CNTD1: variants seen among roughly 807,000 people sequenced by gnomAD.
CNTD1 encodes the protein cyclin N-terminal domain containing 1.
CNTD1 carries 17 observed loss-of-function variants against 36.3 expected under a neutral mutation model. The observed-to-expected ratio is 0.47, with a 90% CI of 0.32 to 0.70. The LOEUF is 0.70. Ranked by LOEUF, CNTD1 falls within the 30% of genes least tolerant of loss-of-function variation. The pLI, the probability that CNTD1 is intolerant of heterozygous loss-of-function variation, is 0.03. For synonymous variants in CNTD1, 128 were observed against 153.3 expected, an observed-to-expected ratio of 0.83 and a Z score of 1.22; for missense variants, 338 against 386.1, an observed-to-expected ratio of 0.88 and a Z score of 1.04.
chr17:42,807,320 CAGG>C (rs1269907974), intron 5 of CNTD1, among the ~76,000 whole-genome samples: 2 of 151,926 alleles, frequency 1.3e-5, no homozygotes, highest in Admixed American at 6.6e-5. Flanking sequence ...GAGGCTGAGG[CAGG>C]AGAATGGCGT....
At chr17:42,802,520 C>T (rs2054812259) in intron 1 of CNTD1, among the ~76,000 whole-genome samples, 1 of 152,164 alleles carries the variant, frequency 6.6e-6, no homozygotes, top group Non-Finnish European at 1.5e-5. Context: ...AATAAAATGA[C>T]TAATAAGAGA....
At chr17:42,804,745 T>C (rs901879955) in intron 3 of CNTD1, among the ~76,000 whole-genome samples, 1 of 151,724 alleles carries the variant, frequency 6.6e-6, no homozygotes, top group Non-Finnish European at 1.5e-5. Flanking sequence ...GAGGCGGAGG[T>C]TGCAGTGAGC....
At chr17:42,804,832 G>C (rs1567661959) in intron 3 of CNTD1, among the ~76,000 whole-genome samples, 1 of 151,906 alleles carries the variant, frequency 6.6e-6, no homozygotes, top group Non-Finnish European at 1.5e-5. Context: ...AAAAAACAAG[G>C]TAGCTGTAAG....
At position 42,806,780 on chromosome 17, in the gene CNTD1, G is replaced by C; in HGVS notation, c.687G>C (p.Arg229Ser). Residue 229 changes from arginine (R) to serine (S), a missense_variant, in exon 5 of 7, where the codon AGG becomes AGC. Physicochemically the swap from Arg to Ser is moderately radical, Grantham distance 110. Transcript: ENST00000588408. ...AACCCATATATGAGAGCCTGTTGAG[G>C]GCTTCAATTGAGAACTCCACTCCCA... ...LHEPIYESLL[R>S]ASIENSTPSQ... is the part of the protein sequence containing the mutation. The C allele has an allele frequency of 1.2e-6, 2 of 1,614,074 alleles. No individual in the cohort carries two copies. The highest frequency in any genetic ancestry group is 1.7e-6 in the Non-Finnish European group (2 of 1,180,018).
At chr17:42,805,359 G>C (rs2054861525) in intron 3 of CNTD1, 1 of 175,310 alleles carries the variant, frequency 5.7e-6, no homozygotes. Flanking sequence ...TAAATACAGA[G>C]GGCTATAAAT....
In CNTD1 at chr17:42,806,729, G is replaced by A; in HGVS notation, c.636G>A (p.Leu212=). ...GGCTGCATGCAACCTGCCTGACACT[G>A]CTCGACCTGGTCTATCTTCTGCATG... ...AMRLHATCLT[L]LDLVYLLHEP... Residue 212 remains leucine, a synonymous_variant, in exon 5 of 7, where the codon CTG becomes CTA. Transcript: ENST00000588408. 6.2e-7 allele frequency: 1 copy of A among 1,614,080 alleles called. No homozygotes were observed. The highest frequency in any genetic ancestry group is 8.5e-7 in the Non-Finnish European group (1 of 1,180,002).
At position 42,804,376 on chromosome 17, in the gene CNTD1, A is replaced by G. The variant is rs1301408576; in HGVS notation, c.397A>G (p.Lys133Glu). The G allele has an allele frequency of 1.2e-6, 2 of 1,614,086 alleles. No individual in the cohort carries two copies. The highest frequency in any genetic ancestry group is 3.3e-5 in the Admixed American group (2 of 60,002). Residue 133 changes from lysine to glutamate, a missense_variant, in exon 3 of 7, where the codon AAA becomes GAA. Transcript: ENST00000588408. Reference protein sequence around the residue: ...RLVSCVQLASKLSFRNKIISN... With the variant: ...RLVSCVQLASELSFRNKIISN... ...TGTGTCATGTGTTCAGCTGGCCAGC[A>G]AACTTTCCTTCCGAAACAAAGTAAG...
In CNTD1 at chr17:42,809,536, G is replaced by A; in HGVS notation, c.*1G>A. On this transcript the variant is annotated 3_prime_UTR_variant, in exon 7 of 7. Transcript: ENST00000588408. ...GACTGTTGCTTCCTCTAACACATGAGGGAGGCTGAATCCACCAAATATAAA... is the reference window on the plus strand; with the variant it reads ...GACTGTTGCTTCCTCTAACACATGAAGGAGGCTGAATCCACCAAATATAAA... The A allele has an allele frequency of 6.2e-7, 1 of 1,613,568 alleles. No individual in the cohort carries two copies. The highest frequency in any genetic ancestry group is 8.5e-7 in the Non-Finnish European group (1 of 1,179,636).
chr17:42,803,746 T>G (rs755381661), intron 2 of CNTD1, 51 bp downstream of exon 2: 1 of 1,389,888 alleles, frequency 7.2e-7, no homozygotes, highest in African/African-American at 1.4e-5. Context: ...GAGTGGCTAA[T>G]GTACCTACAT....
At position 42,802,196 on chromosome 17, in the gene CNTD1, G is replaced by A. The variant is rs942991361; in HGVS notation, c.170-1424G>A. Among the ~76,000 whole-genome samples, 59 of 151,930 alleles carry A rather than the reference G, an allele frequency of 3.9e-4. 1 individual carries two copies. The highest frequency in any genetic ancestry group is 8.8e-5 in the Non-Finnish European group (6 of 67,988). On this transcript the variant is annotated intron_variant, in intron 1 of 6. Coordinates refer to ENST00000588408, the MANE Select transcript of CNTD1 (RefSeq NM_173478.3). The stretch of plus-strand genomic sequence containing the variant: ...AGCCTGGGCAACATAGGACAATCCC[G>A]TCTATTTATTATTTATTTATTTATT...
chr17:42,808,235 C>T (rs1011157), intron 6 of CNTD1, among the ~76,000 whole-genome samples: 14,339 of 151,832 alleles, frequency 0.094, 890 homozygotes, highest in East Asian at 0.24. Context: ...CACAGCAAGA[C>T]CTTGTCTCTA....
intron 1 of CNTD1, among the ~76,000 whole-genome samples, chr17:42,802,875 C>T (rs1367145214): frequency 6.6e-6 from 1 of 152,206 alleles, no homozygotes; most frequent in South Asian, 2.1e-4. Context: ...CTATCTGGAG[C>T]TGTTCTTTCA....
chr17:42,801,495 CAAA>C (rs748783042), intron 1 of CNTD1, among the ~76,000 whole-genome samples: 79 of 35,284 alleles, frequency 2.2e-3, no homozygotes, highest in African/African-American at 0.012. Context: ...GACCTTGTCT[CAAA>C]AAAAAAAAAA....
chr17:42,806,679 A>G lies in CNTD1; in HGVS notation c.586A>G (p.Asn196Asp). The G allele has an allele frequency of 6.2e-7, 1 of 1,613,862 alleles. No homozygotes were observed. The highest frequency in any genetic ancestry group is 8.5e-7 in the Non-Finnish European group (1 of 1,179,720). The change falls in exon 5 of 7, where the codon AAT becomes GAT. Residue 196 changes from asparagine to aspartate, a missense_variant. Asn to Asp is a conservative substitution (Grantham distance 23). Transcript: ENST00000588408. ...VETLLEVLGY[N>D]GCLVPAMRLH... is the part of the protein sequence containing the mutation. ...CATTCCCATACTCCATCTAGGATAC[A>G]ATGGCTGTTTGGTTCCAGCCATGAG... is the stretch of plus-strand genomic sequence containing the variant.
At chr17:42,803,550 A>G in intron 1 of CNTD1, 70 bp from the exon 2 acceptor site, 1 of 1,239,376 alleles carries the variant, frequency 8.1e-7, no homozygotes, top group Non-Finnish European at 1.2e-6. Flanking sequence ...GCTTTTACAC[A>G]ATGCCAAGAG....
Position 42,804,219 on chromosome 17 carries a change from C to G in CNTD1, c.246-6C>G, listed in dbSNP as rs1276715563. 1 of 1,611,624 alleles carries G rather than the reference C, an allele frequency of 6.2e-7. No homozygotes were observed. The highest frequency in any genetic ancestry group is 1.1e-5 in the South Asian group (1 of 90,774). ...GGATTGTTTACTCTCCCTCCCTTCC[C>G]TACAGGTTTATGGTAAAACAGGCAG... On this transcript the variant is annotated splice_region_variant and splice_polypyrimidine_tract_variant and intron_variant, in intron 2 of 6. Transcript: ENST00000588408.
Position 42,806,737 on chromosome 17 carries a change from T to C in CNTD1, c.644T>C (p.Leu215Pro). 6.2e-7 allele frequency: 1 copy of C among 1,614,150 alleles called. No individual in the cohort carries two copies. Among genetic ancestry groups the C allele is most frequent in the South Asian group, 1.1e-5 (1 of 91,080 alleles). ...LHATCLTLLD[L>P]VYLLHEPIYE... ...GCAACCTGCCTGACACTGCTCGACC[T>C]GGTCTATCTTCTGCATGAACCCATA... Residue 215 changes from leucine (L) to proline (P), a missense_variant, in exon 5 of 7, where the codon CTG (leucine) becomes CCG (proline). By Grantham distance (98) the Leu-to-Pro change is moderately conservative. Coordinates refer to ENST00000588408, the MANE Select transcript of CNTD1 (RefSeq NM_173478.3).
chr17:42,800,023 C>T (rs2054750229), intron 1 of CNTD1, among the ~76,000 whole-genome samples: 1 of 145,952 alleles, frequency 6.9e-6, no homozygotes, highest in African/African-American at 2.6e-5. Flanking sequence ...GAGATGGCGC[C>T]ACTACACTCC....
intron 1 of CNTD1, among the ~76,000 whole-genome samples, chr17:42,801,002 T>A (rs545551424): frequency 2.7e-4 from 41 of 151,958 alleles, no homozygotes; most frequent in Non-Finnish European, 4.9e-4. Context: ...CTGGCCAACA[T>A]AGTGAAACCC....
Sources: allele counts gnomAD v4.1 joint callset (sites outside exome capture counted in the v4.1 genomes callset), GRCh38; gene constraint gnomAD v4.1.1; transcripts MANE v1.5; gene names NCBI Gene and HGNC (gene_info 2026-07-23, HGNC 2026-07-21).